The following GPR82 variants were observed in gnomAD, a reference collection of about 807,000 sequenced individuals.
The protein encoded by GPR82 is G protein-coupled receptor 82.
In GPR82, 6 loss-of-function variants were observed where a neutral mutation model predicts 12.9. That is an observed-to-expected ratio of 0.46 (90% CI 0.25 to 0.92). The LOEUF is 0.92. GPR82 is among the 40% of genes least tolerant of loss of function. The pLI is 0.16. For synonymous variants in GPR82, 90 were observed against 87.6 expected, an observed-to-expected ratio of 1.03 and a Z score of -0.15; for missense variants, 241 against 245.5, an observed-to-expected ratio of 0.98 and a Z score of 0.12.
intron 1 of GPR82, among the ~76,000 whole-genome samples, chrX:41,724,664 T>C (rs921364018): frequency 8.9e-6 from 1 of 111,866 alleles, no homozygotes; most frequent in Non-Finnish European, 1.9e-5. Context: ...TTGAAGGAGA[T>C]GTACATAGTA....
chrX:41,726,891 A>C, intron 2 of GPR82, 48 bp downstream of exon 2: 1 of 357,027 alleles, frequency 2.8e-6, no homozygotes, highest in Non-Finnish European at 4.8e-6. Context: ...CATTTTTGTT[A>C]CTATTTTATT....
At position 41,728,144 on chromosome X, in the gene GPR82, C is replaced by T. The variant is rs1187334358; in HGVS notation, c.*107C>T. On this transcript the variant is annotated 3_prime_UTR_variant, in exon 3 of 3. Coordinates refer to ENST00000302548, the MANE Select transcript of GPR82 (RefSeq NM_080817.5). ...TCACAGCTTGGTTGACAATAATCAC[C>T]AAGAAAATCTCTTTGGTTTTTAAAA... is the stretch of plus-strand genomic sequence containing the variant. 1 of 381,714 alleles carries T rather than the reference C, an allele frequency of 2.6e-6. No individual in the cohort carries two copies. The highest frequency in any genetic ancestry group is 2.6e-5 in the African/African-American group (1 of 37,978). 31.5% of individuals were successfully genotyped at this position (381,714 alleles called of 1,213,427 possible). A position where few individuals can be genotyped will look rare whatever the true frequency, so the allele number is the denominator to read the frequency against.
At position 41,726,804 on chromosome X, in the gene GPR82, TTTTGTC is replaced by T. The variant is rs2068268418; in HGVS notation, c.-70_-65del. The T allele has an allele frequency of 3.6e-6, 1 of 277,137 alleles. No homozygotes were observed. The highest frequency in any genetic ancestry group is 5.3e-5 in the East Asian group (1 of 19,036). The allele number at this position is 277,137 out of a possible 1,213,427, so 22.8% of individuals were successfully genotyped here. ...GCATTATCCATCACAATAAGTAACT[TTTTGTC>T]TTTATTTCAACCGGACAATCGTGAT... On this transcript the variant is annotated 5_prime_UTR_variant, in exon 2 of 3. Coordinates refer to ENST00000302548, the MANE Select transcript of GPR82 (RefSeq NM_080817.5).
rs146786893 is a variant in GPR82, at chrX:41,727,580, G to A, written c.554G>A (p.Ser185Asn). 804 of 1,195,430 alleles carry A rather than the reference G, an allele frequency of 6.7e-4. 3 individuals are homozygous for A. In the African/African-American group the frequency reaches 0.012, roughly 18 times the overall value. The change falls in exon 3 of 3, where the codon AGC becomes AAC. Residue 185 changes from serine to asparagine, a missense_variant. Coordinates refer to ENST00000302548, the MANE Select transcript of GPR82 (RefSeq NM_080817.5). The part of the protein sequence containing the change: ...SVIEATEGEE[S>N]LCYNRQMELG... ...ATAGAGGCTACAGAAGGAGAAGAGA[G>A]CCTATGCTACAATCGGCAGATGGAA...
intron 1 of GPR82, among the ~76,000 whole-genome samples, chrX:41,726,526 A>T (rs1389962122): frequency 8.9e-6 from 1 of 111,789 alleles, no homozygotes; most frequent in Non-Finnish European, 1.9e-5. Flanking sequence ...CCATTTTGAA[A>T]ACTATATATA....
rs774294675 is a variant in GPR82 at position 41,727,792 on chromosome X, A to G, written c.766A>G (p.Ile256Val). The stretch of plus-strand genomic sequence containing the variant: ...GAAAAGACATCTTTTGGTCATCCAG[A>G]TTCTACTAATAGTTTGCTTCCTTCC... ...SVKRHLLVIQ[I>V]LLIVCFLPYS... The change falls in exon 3 of 3, where the codon ATT becomes GTT. Residue 256 changes from isoleucine to valine, a missense_variant. Coordinates refer to ENST00000302548, the MANE Select transcript of GPR82 (RefSeq NM_080817.5). The G allele has an allele frequency of 3.6e-5, 43 of 1,202,285 alleles. No homozygotes were observed. The highest frequency in any genetic ancestry group is 2.8e-5 in the Non-Finnish European group (25 of 888,430).
Position 41,728,245 on chromosome X carries a change from A to G in GPR82, c.*208A>G, listed in dbSNP as rs1310836087. The G allele has an allele frequency of 3.3e-6, 1 of 304,911 alleles. No homozygotes were observed. Among genetic ancestry groups the G allele is most frequent in the Admixed American group, 5.9e-5 (1 of 17,093 alleles). The allele number at this position is 304,911 out of a possible 1,213,427, so 25.1% of individuals were successfully genotyped here. A position where few individuals can be genotyped will look rare whatever the true frequency, so the allele number is the denominator to read the frequency against. On this transcript the variant is annotated 3_prime_UTR_variant, in exon 3 of 3. Transcript: ENST00000302548. ...GAGATGGCAGAAACTTTCAGAAGCA[A>G]AAATTAAGCATATTGAAAGGATCCC... is the stretch of plus-strand genomic sequence containing the variant.
At chrX:41,726,388 T>C (rs932893815) in intron 1 of GPR82, among the ~76,000 whole-genome samples, 6 of 112,349 alleles carry the variant, frequency 5.3e-5, no homozygotes. Flanking sequence ...GCTATACTTC[T>C]GTTCAATTCA....
Position 41,727,910 on chromosome X carries a change from C to T in GPR82, c.884C>T (p.Thr295Ile). 1 of 1,203,449 alleles carries T rather than the reference C, an allele frequency of 8.3e-7. No homozygotes were observed. The highest frequency in any genetic ancestry group is 1.1e-6 in the Non-Finnish European group (1 of 888,035). ...NYLIETKNIL[T>I]CLASARSSTD... is the part of the protein sequence containing the mutation. ...TTAATAGAAACAAAAAACATTCTCA[C>T]CTGTCTTGCTTCGGCCAGAAGTAGC... Residue 295 changes from threonine to isoleucine, a missense_variant, in exon 3 of 3, where the codon ACC (threonine) becomes ATC (isoleucine). Physicochemically the swap from Thr to Ile is moderately conservative, Grantham distance 89. Coordinates refer to ENST00000302548, the MANE Select transcript of GPR82 (RefSeq NM_080817.5).
In GPR82 at chrX:41,727,683, A is replaced by T. The variant is rs760442396; in HGVS notation, c.657A>T (p.Thr219=). ...FIGFSFLVVL[T]SYYSFVSHLR... ...GATTTTCCTTTTTAGTAGTACTAAC[A>T]TCATACTACTCTTTTGTAAGCCATC... The change falls in exon 3 of 3, where the codon ACA becomes ACT. Residue 219 remains threonine, a synonymous_variant. Transcript: ENST00000302548. 1.7e-6 allele frequency: 2 copies of T among 1,194,191 alleles called. No homozygotes were observed. Among genetic ancestry groups the T allele is most frequent in the African/African-American group, 3.5e-5 (2 of 56,893 alleles).
rs772976942 is a variant in GPR82 at position 41,727,468 on chromosome X, C to T, written c.442C>T (p.Gln148Ter). 1.7e-6 allele frequency: 2 copies of T among 1,209,276 alleles called. No homozygotes were observed. Among genetic ancestry groups the T allele is most frequent in the South Asian group, 3.5e-5 (2 of 56,939 alleles). The change falls in exon 3 of 3, where the codon CAG (glutamine) becomes TAG (stop). Residue 148 changes from glutamine to a stop codon, truncating the protein, a stop_gained. Coordinates refer to ENST00000302548, the MANE Select transcript of GPR82 (RefSeq NM_080817.5). LOFTEE classifies it high-confidence loss of function. ...FYGHLLKKFR[Q>*]PNFARKLCIY... is the part of the protein sequence containing the mutation. The stretch of plus-strand genomic sequence containing the variant: ...TGGCCATTTACTGAAAAAATTTCGC[C>T]AGCCCAACTTTGCTAGAAAACTATG...
intron 1 of GPR82, among the ~76,000 whole-genome samples, chrX:41,725,607 T>A (rs755418121): frequency 8.9e-6 from 1 of 111,796 alleles, no homozygotes; most frequent in South Asian, 3.8e-4. Flanking sequence ...CTTTTGTTAT[T>A]CTCACCTGAA....
rs1173793164 is a variant in GPR82 at position 41,727,676 on chromosome X, T to C, written c.650T>C (p.Val217Ala). ...TTFIGFSFLVVLTSYYSFVSH... is the reference protein window; with the variant it reads ...TTFIGFSFLVALTSYYSFVSH... The stretch of plus-strand genomic sequence containing the variant: ...TTTATTGGATTTTCCTTTTTAGTAG[T>C]ACTAACATCATACTACTCTTTTGTA... Residue 217 changes from valine to alanine, a missense_variant, in exon 3 of 3, where the codon GTA becomes GCA. Physicochemically the swap from Val to Ala is moderately conservative, Grantham distance 64 (BLOSUM62 0). Transcript: ENST00000302548. 4.9e-5 allele frequency: 59 copies of C among 1,200,468 alleles called. No homozygotes were observed. Among genetic ancestry groups the C allele is most frequent in the Non-Finnish European group, 6.4e-5 (57 of 886,586 alleles).
intron 1 of GPR82, among the ~76,000 whole-genome samples, chrX:41,724,929 A>G (rs1602525560): frequency 8.9e-6 from 1 of 112,617 alleles, no homozygotes; most frequent in African/African-American, 3.2e-5. Flanking sequence ...ATCCTTATGT[A>G]AAATCAAAAC....
Position 41,728,076 on chromosome X carries a change from T to C in GPR82, c.*39T>C. ...AACCCCACAATATTAAGAAAAGCATTCATGTGACTTTATTAGGGACACTAA... is the reference window on the plus strand; with the variant it reads ...AACCCCACAATATTAAGAAAAGCATCCATGTGACTTTATTAGGGACACTAA... On this transcript the variant is annotated 3_prime_UTR_variant, in exon 3 of 3. Transcript: ENST00000302548. The C allele has an allele frequency of 1.3e-6, 1 of 778,278 alleles. No homozygotes were observed. Among genetic ancestry groups the C allele is most frequent in the Non-Finnish European group, 1.8e-6 (1 of 556,339 alleles). The allele number at this position is 778,278 out of a possible 1,213,427, so 64.1% of individuals were successfully genotyped here.
rs2068308120 is a variant in GPR82 at position 41,728,432 on chromosome X, T to G, written c.*395T>G. The G allele has an allele frequency of 7.9e-6, 1 of 127,243 alleles. No individual in the cohort carries two copies. Among genetic ancestry groups the G allele is most frequent in the African/African-American group, 3.2e-5 (1 of 31,249 alleles). 10.5% of individuals were successfully genotyped at this position (127,243 alleles called of 1,213,427 possible). A position where few individuals can be genotyped will look rare whatever the true frequency, so the allele number is the denominator to read the frequency against. Reference sequence around the variant, plus strand: ...GGGTCAATCTATGGCTAGTGTTTATTGGTAATTTTAAAATCTTTAAAAATA... The same window carrying G: ...GGGTCAATCTATGGCTAGTGTTTATGGGTAATTTTAAAATCTTTAAAAATA... On this transcript the variant is annotated 3_prime_UTR_variant, in exon 3 of 3. Transcript: ENST00000302548.
rs1467870141 is a variant in GPR82, at chrX:41,728,752, A to G, written c.*715A>G. The stretch of plus-strand genomic sequence containing the variant: ...GCGAGACTCTGTCTCATAAAACAAA[A>G]CAAAAAAATAAAAATAAGTAAAAAA... On this transcript the variant is annotated 3_prime_UTR_variant, in exon 3 of 3. Coordinates refer to ENST00000302548, the MANE Select transcript of GPR82 (RefSeq NM_080817.5). 8.1e-6 allele frequency: 1 copy of G among 123,669 alleles called. No individual in the cohort carries two copies. Among genetic ancestry groups the G allele is most frequent in the Admixed American group, 9.4e-5 (1 of 10,602 alleles). The allele number at this position is 123,669 out of a possible 1,213,427, so 10.2% of individuals were successfully genotyped here. A position where few individuals can be genotyped will look rare whatever the true frequency, so the allele number is the denominator to read the frequency against.
At chrX:41,725,716 A>G (rs1307106767) in intron 1 of GPR82, among the ~76,000 whole-genome samples, 1 of 112,388 alleles carries the variant, frequency 8.9e-6, no homozygotes. Context: ...AGATTTAAAT[A>G]TAAGACAGAA....
In GPR82 at chrX:41,729,273, T is replaced by G. The variant is rs1005636685; in HGVS notation, c.*1236T>G. The G allele has an allele frequency of 5.7e-5, 7 of 123,366 alleles. No individual in the cohort carries two copies. The highest frequency in any genetic ancestry group is 1.3e-4 in the Non-Finnish European group (7 of 53,327). 10.2% of individuals were successfully genotyped at this position (123,366 alleles called of 1,213,427 possible). On this transcript the variant is annotated 3_prime_UTR_variant, in exon 3 of 3. Coordinates refer to ENST00000302548, the MANE Select transcript of GPR82 (RefSeq NM_080817.5). ...CATTTGTAGAGCAGAAAATACTATC[T>G]TATTTACAGATCCTATTATTAAATC...
Sources: allele counts gnomAD v4.1 joint callset (sites outside exome capture counted in the v4.1 genomes callset), GRCh38; gene constraint gnomAD v4.1.1; transcripts MANE v1.5; gene names NCBI Gene and HGNC (gene_info 2026-07-23, HGNC 2026-07-21).